Variants in SLC14A2 observed in about 807,000 individuals in gnomAD.
SLC14A2 encodes urea transporter 2.
A neutral mutation model predicts 104.6 loss-of-function variants in SLC14A2; 91 were observed. That is an observed-to-expected ratio of 0.87 (90% confidence interval 0.73 to 1.04). The LOEUF (loss-of-function observed/expected upper bound fraction) is 1.04. Ranked by LOEUF, SLC14A2 falls within the 50% of genes least tolerant of loss-of-function variation. The pLI is 0.00. For synonymous variants in SLC14A2, 476 were observed against 466.4 expected, an observed-to-expected ratio of 1.02 and a Z score of -0.27; for missense variants, 1,189 against 1,156.0, an observed-to-expected ratio of 1.03 and a Z score of -0.41.
chr18:45,375,945 G>T (rs1217013229), intron 1 of SLC14A2, among the ~76,000 whole-genome samples: 4 of 152,182 alleles, frequency 2.6e-5, no homozygotes, highest in Admixed American at 2.6e-4. Flanking sequence ...ATACCCACTG[G>T]CCAGGACAAG....
At chr18:45,174,792 C>T in the SLC14A2 span, among the ~76,000 whole-genome samples, 1 of 152,066 alleles carries the variant, frequency 6.6e-6, no homozygotes, top group Non-Finnish European at 1.5e-5. Context: ...AAAGGAACAA[C>T]CCACTGGATG....
intron 2 of SLC14A2, among the ~76,000 whole-genome samples, chr18:45,496,276 A>AAAC (rs2043096652): frequency 6.6e-6 from 1 of 152,218 alleles, no homozygotes; most frequent in Non-Finnish European, 1.5e-5. Context: ...TGTGATGGTT[A>AAAC]ATATTAGGTT....
At chr18:45,179,197 C>A in the SLC14A2 span, among the ~76,000 whole-genome samples, 3 of 152,304 alleles carry the variant, frequency 2.0e-5, no homozygotes, top group South Asian at 2.1e-4. Flanking sequence ...GGCCCTTCAT[C>A]AATTTCTATG....
Position 45,682,876 on chromosome 18 carries a change from CGAGGT to C in SLC14A2, c.*358_*362del. On this transcript the variant is annotated 3_prime_UTR_variant, in exon 20 of 20. Transcript: ENST00000255226. ...TTGGGAGGCCGAGGCGGGTGGATCA[CGAGGT>C]CAGGAGATCGAGACCATCCTGGCGA... 2 of 246,232 alleles carry C rather than the reference CGAGGT, an allele frequency of 8.1e-6. No homozygotes were observed. Among genetic ancestry groups the C allele is most frequent in the South Asian group, 5.3e-5 (1 of 18,840 alleles). The allele number at this position is 246,232 out of a possible 1,614,324, so 15.3% of individuals were successfully genotyped here. A position where few individuals can be genotyped will look rare whatever the true frequency, so the allele number is the denominator to read the frequency against.
chr18:45,624,552 G>T, intron 1 of SLC14A2, 79 bp from the exon 2 acceptor site: 1 of 1,049,624 alleles, frequency 9.5e-7, no homozygotes, highest in Non-Finnish European at 1.4e-6. Flanking sequence ...GGACAGACCT[G>T]AGGTCTGAGT....
intron 2 of SLC14A2, among the ~76,000 whole-genome samples, chr18:45,522,869 G>C (rs2043535882): frequency 6.6e-6 from 1 of 152,188 alleles, no homozygotes; most frequent in Non-Finnish European, 1.5e-5. Flanking sequence ...TTGGGCAATA[G>C]AAGTCAGAGG....
chr18:45,210,685 T>C (rs1303960891), upstream of SLC14A2, among the ~76,000 whole-genome samples: 4 of 152,356 alleles, frequency 2.6e-5, no homozygotes, highest in Middle Eastern at 3.4e-3. Context: ...AGATTGGTAT[T>C]GGCCTCAGCT....
At chr18:45,622,705 G>T (rs940023536) in intron 1 of SLC14A2, among the ~76,000 whole-genome samples, 1 of 152,096 alleles carries the variant, frequency 6.6e-6, no homozygotes, top group East Asian at 1.9e-4. Flanking sequence ...CAGATATAAC[G>T]GCCAAAGAGT....
intron 1 of SLC14A2, among the ~76,000 whole-genome samples, chr18:45,433,655 G>T (rs1482340198): frequency 6.6e-6 from 1 of 152,172 alleles, no homozygotes; most frequent in African/African-American, 2.4e-5. Flanking sequence ...GTTTTGATCT[G>T]CATTATCTTA....
intron 1 of SLC14A2, among the ~76,000 whole-genome samples, chr18:45,327,831 G>A (rs1378083611): frequency 6.6e-6 from 1 of 152,152 alleles, no homozygotes; most frequent in East Asian, 1.9e-4. Context: ...TAAATTATAG[G>A]GGTAGGAGTG....
intron 1 of SLC14A2, among the ~76,000 whole-genome samples, chr18:45,362,395 C>T (rs1400636094): frequency 2.0e-5 from 3 of 152,320 alleles, no homozygotes; most frequent in Middle Eastern, 3.4e-3. Flanking sequence ...CTGGTGCCCC[C>T]ACCCCACTTC....
chr18:45,496,724 A>C (rs1288501576), intron 2 of SLC14A2, among the ~76,000 whole-genome samples: 1 of 152,198 alleles, frequency 6.6e-6, no homozygotes, highest in East Asian at 1.9e-4. Context: ...TAGAGGTTGC[A>C]GTGAGCCAAG....
chr18:45,336,932 A>C (rs1414666902), intron 1 of SLC14A2, among the ~76,000 whole-genome samples: 1 of 152,140 alleles, frequency 6.6e-6, no homozygotes, highest in South Asian at 2.1e-4. Context: ...CCTTGGGGTC[A>C]GGCTGTTAAA....
intron 1 of SLC14A2, among the ~76,000 whole-genome samples, chr18:45,335,380 A>G (rs575462432): frequency 2.2e-4 from 34 of 152,350 alleles, no homozygotes; most frequent in African/African-American, 8.2e-4. Context: ...GTATGTGTAA[A>G]TTAGATGCTT....
intron 1 of SLC14A2, among the ~76,000 whole-genome samples, chr18:45,412,825 T>A (rs1300402216): frequency 6.6e-6 from 1 of 151,962 alleles, no homozygotes; most frequent in Non-Finnish European, 1.5e-5. Flanking sequence ...GCCAGGCAGG[T>A]GGTCTAAGTA....
the SLC14A2 span, among the ~76,000 whole-genome samples, chr18:45,199,676 T>C: frequency 6.6e-6 from 1 of 152,330 alleles, no homozygotes; most frequent in African/African-American, 2.4e-5. Context: ...TTGTGCTCCT[T>C]CCTGTAAAGC....
chr18:45,427,072 G>A (rs1174038043), intron 1 of SLC14A2, among the ~76,000 whole-genome samples: 4 of 152,050 alleles, frequency 2.6e-5, no homozygotes, highest in Non-Finnish European at 5.9e-5. Flanking sequence ...CAGTGACCCA[G>A]TCATTCCGAC....
At chr18:45,462,381 G>A (rs1009804204) in intron 1 of SLC14A2, among the ~76,000 whole-genome samples, 15 of 152,264 alleles carry the variant, frequency 9.9e-5, no homozygotes, top group Admixed American at 8.5e-4. Context: ...CTTGCATTCC[G>A]AGCAGGCAAG....
intron 10 of SLC14A2, among the ~76,000 whole-genome samples, chr18:45,660,253 TGTCA>T (rs1030553701): frequency 1.3e-5 from 2 of 152,222 alleles, no homozygotes; most frequent in Non-Finnish European, 2.9e-5. Flanking sequence ...TAATCCTGGC[TGTCA>T]AAGATCTCAC....
Sources: gnomAD v4.1 joint callset for allele counts (sites outside exome capture counted in the v4.1 genomes callset) on GRCh38, gnomAD v4.1.1 for gene constraint, MANE v1.5 for transcripts, NCBI Gene and HGNC (gene_info 2026-07-23, HGNC 2026-07-21) for gene names.